The following PITPNA variants were observed in gnomAD, a reference collection of about 807,000 sequenced individuals.
The protein encoded by PITPNA is phosphatidylinositol transfer protein alpha.
Under a neutral mutation model 50.3 loss-of-function variants are expected in PITPNA, and 13 were observed. The observed-to-expected ratio is 0.26, with a 90% confidence interval of 0.17 to 0.41. PITPNA has a LOEUF of 0.41. Ranked by LOEUF, PITPNA falls within the 10% of genes least tolerant of loss-of-function variation. The pLI is 1.00. For missense variants in PITPNA, 207 were observed against 333.4 expected (o/e 0.62, Z 2.95); for synonymous variants, 120 against 119.6 (o/e 1.00, Z -0.02).
chr17:1,538,806 C>T, intron 7 of PITPNA, 63 bp downstream of exon 7: 1 of 992,436 alleles, frequency 1.0e-6, no homozygotes, highest in Non-Finnish European at 1.6e-6. Context: ...TTCCTGGTTT[C>T]TTTAGCATTG....
chr17:1,543,071 A>C, intron 4 of PITPNA, 44 bp from the exon 5 acceptor site: 1 of 1,495,746 alleles, frequency 6.7e-7, no homozygotes, highest in Non-Finnish European at 9.1e-7. Context: ...AAAAAGATTA[A>C]TGAAGATGAA....
intron 10 of PITPNA, among the ~76,000 whole-genome samples, chr17:1,533,474 T>C (rs1199346586): frequency 2.0e-5 from 3 of 152,112 alleles, no homozygotes; most frequent in Non-Finnish European, 4.4e-5. Flanking sequence ...CGGCACACAG[T>C]GAGTGCTTGA....
intron 7 of PITPNA, chr17:1,538,541 T>G (rs2075630798): frequency 5.2e-6 from 1 of 193,200 alleles, no homozygotes; most frequent in Non-Finnish European, 1.1e-5. Flanking sequence ...AATTACTGAG[T>G]TGGAAAAATA....
At chr17:1,523,408 T>C (rs1337682480) in intron 10 of PITPNA, among the ~76,000 whole-genome samples, 1 of 152,016 alleles carries the variant, frequency 6.6e-6, no homozygotes, top group Non-Finnish European at 1.5e-5. Context: ...AGTGGCGCAA[T>C]CATGGCTCAC....
chr17:1,548,715 C>T (rs1214830061), intron 3 of PITPNA, among the ~76,000 whole-genome samples: 1 of 152,054 alleles, frequency 6.6e-6, no homozygotes, highest in African/African-American at 2.4e-5. Context: ...CTACAAGGTG[C>T]GAGAAAAACA....
At position 1,520,492 on chromosome 17, in the gene PITPNA, G is replaced by C. The variant is rs1403107728; in HGVS notation, c.*69C>G. The stretch of plus-strand genomic sequence containing the variant: ...GCGTCCGAAAATGGCCTGTCACTTG[G>C]GAGGGTGGAGCTGCTGGGTCTTCCT... On this transcript the variant is annotated 3_prime_UTR_variant, in exon 12 of 12. Transcript: ENST00000313486. 1.3e-5 allele frequency: 2 copies of C among 152,806 alleles called. No individual in the cohort carries two copies. Among genetic ancestry groups the C allele is most frequent in the East Asian group, 3.9e-4 (2 of 5,188 alleles). The allele number at this position is 152,806 out of a possible 1,614,324, so 9.5% of individuals were successfully genotyped here. A position where few individuals can be genotyped will look rare whatever the true frequency, so the allele number is the denominator to read the frequency against.
chr17:1,544,766 C>T (rs775492261), intron 4 of PITPNA, among the ~76,000 whole-genome samples: 4 of 152,148 alleles, frequency 2.6e-5, no homozygotes, highest in African/African-American at 4.8e-5. Context: ...GGTGAAACCT[C>T]GTTTCTACTA....
rs778111707 is a variant in PITPNA at position 1,541,743 on chromosome 17, G to C, written c.298-103C>G. On this transcript the variant is annotated intron_variant, in intron 5 of 11. Transcript: ENST00000313486. ...GCATTACTGGATCATGGGCAGCTAG[G>C]AGATTCCAGCCTCTGCCTTGTAATA... The C allele has an allele frequency of 1.0e-5, 8 of 776,540 alleles. No homozygotes were observed. The African/African-American group carries it at 1.4e-4, about 13-fold the overall frequency. The allele number at this position is 776,540 out of a possible 1,614,324, so 48.1% of individuals were successfully genotyped here. A position where few individuals can be genotyped will look rare whatever the true frequency, so the allele number is the denominator to read the frequency against.
At chr17:1,549,320 ATT>A (rs1250520585) in intron 3 of PITPNA, among the ~76,000 whole-genome samples, 10 of 132,448 alleles carry the variant, frequency 7.6e-5, no homozygotes, top group Non-Finnish European at 8.2e-5. Flanking sequence ...AACATTTAGA[ATT>A]TTTTTTTTTT....
intron 10 of PITPNA, among the ~76,000 whole-genome samples, chr17:1,524,201 C>T (rs972456302): frequency 5.9e-5 from 9 of 151,626 alleles, no homozygotes; most frequent in South Asian, 2.1e-4. Flanking sequence ...CCCACCAACA[C>T]GCCCGGCTAA....
intron 1 of PITPNA, 35 bp from the exon 2 acceptor site, chr17:1,558,594 G>T (rs112883596): frequency 0.023 from 35,259 of 1,535,772 alleles, 513 homozygotes; most frequent in Non-Finnish European, 0.026. Context: ...TCAACTTTAG[G>T]CTGTGCAATC....
rs1027691089 is a variant in PITPNA at position 1,551,051 on chromosome 17, T to A, written c.197+1953A>T. Among the ~76,000 whole-genome samples the A allele has an allele frequency of 7.9e-5, 11 of 139,630 alleles. 1 individual carries two copies. Among genetic ancestry groups the A allele is most frequent in the Non-Finnish European group, 1.4e-4 (9 of 63,386 alleles). The allele number at this position is 139,630 out of a possible 152,430, so 91.6% of individuals were successfully genotyped here. A position where few individuals can be genotyped will look rare whatever the true frequency, so the allele number is the denominator to read the frequency against. On this transcript the variant is annotated intron_variant, in intron 3 of 11. Coordinates refer to ENST00000313486, the MANE Select transcript of PITPNA (RefSeq NM_006224.4). ...GACCTGATGGGACACGAAGGGCGAG[T>A]GAGAGTATTGCGGGGCGGAGTCAGC...
chr17:1,545,917 C>CTTTT lies in PITPNA; in HGVS notation c.289+2375_289+2378dup, dbSNP rs11322049. Among the ~76,000 whole-genome samples, 141 of 86,364 alleles carry CTTTT rather than the reference C, an allele frequency of 1.6e-3. 1 individual carries two copies. Among genetic ancestry groups the CTTTT allele is most frequent in the African/African-American group, 6.2e-3 (125 of 20,320 alleles). 56.7% of individuals were successfully genotyped at this position (86,364 alleles called of 152,430 possible). On this transcript the variant is annotated intron_variant, in intron 4 of 11. Coordinates refer to ENST00000313486, the MANE Select transcript of PITPNA (RefSeq NM_006224.4). ...CACACCCAGCCACACTGCATACTGC[C>CTTTT]TTTTTTTTTTTTTTTTTTTTTTTTT...
rs565723705 is a variant in PITPNA, at chr17:1,548,199, C to G, written c.289+97G>C. Reference sequence around the variant, plus strand: ...CCACCATCAGCCGGAAGGGACCCAGCCCGAGCCTTTCCCTGGCCTAATCCG... The same window carrying G: ...CCACCATCAGCCGGAAGGGACCCAGGCCGAGCCTTTCCCTGGCCTAATCCG... On this transcript the variant is annotated intron_variant, in intron 4 of 11. Transcript: ENST00000313486. The G allele has an allele frequency of 1.6e-4, 116 of 747,752 alleles. 1 individual carries two copies. The African/African-American group carries it at 1.6e-3, about 10-fold the overall frequency. The allele number at this position is 747,752 out of a possible 1,614,324, so 46.3% of individuals were successfully genotyped here.
chr17:1,542,831 T>C (rs1323828288), intron 5 of PITPNA, among the ~76,000 whole-genome samples, 189 bp downstream of exon 5: 1 of 152,194 alleles, frequency 6.6e-6, no homozygotes, highest in Non-Finnish European at 1.5e-5. Flanking sequence ...CGCAGGCCAA[T>C]GCAGCTTAAA....
chr17:1,555,811 C>T (rs1472543980), intron 2 of PITPNA, among the ~76,000 whole-genome samples: 1 of 152,230 alleles, frequency 6.6e-6, no homozygotes, highest in Non-Finnish European at 1.5e-5. Flanking sequence ...TGCCAGGAAG[C>T]ACTGGTGGAC....
chr17:1,548,649 C>T (rs753013249), intron 3 of PITPNA, among the ~76,000 whole-genome samples: 1 of 152,164 alleles, frequency 6.6e-6, no homozygotes, highest in Non-Finnish European at 1.5e-5. Flanking sequence ...TGGCTCATCA[C>T]CCCTTCCATC....
At chr17:1,558,646 G>T in intron 1 of PITPNA, 87 bp from the exon 2 acceptor site, 1 of 921,956 alleles carries the variant, frequency 1.1e-6, no homozygotes. Context: ...ACAGTCAGCA[G>T]CATTCTATTG....
rs1409355596 is a variant in PITPNA, at chr17:1,561,774, G to A, written c.20+767C>T. ...TCACCTGTCTCCCCAGCCAGGCCCT[G>A]ACTTCCTAGTCCTCCTCCTGTGTCC... is the stretch of plus-strand genomic sequence containing the variant. On this transcript the variant is annotated intron_variant, in intron 1 of 11. Transcript: ENST00000313486. Among the ~76,000 whole-genome samples the A allele has an allele frequency of 2.6e-5, 4 of 152,060 alleles. No homozygotes were observed. The East Asian group carries it at 7.7e-4, about 29-fold the overall frequency.
Sources: gnomAD v4.1 joint callset for allele counts (sites outside exome capture counted in the v4.1 genomes callset) on GRCh38, gnomAD v4.1.1 for gene constraint, MANE v1.5 for transcripts, NCBI Gene and HGNC (gene_info 2026-07-23, HGNC 2026-07-21) for gene names.